RAB11FIP3: variants seen among roughly 807,000 people sequenced by gnomAD.
RAB11FIP3 encodes the protein rab11 family-interacting protein 3.
A neutral mutation model predicts 77.8 loss-of-function variants in RAB11FIP3; 17 were observed. The ratio of observed to expected loss-of-function variants is 0.22; its 90% CI spans 0.15 to 0.33. RAB11FIP3 has a LOEUF of 0.33. RAB11FIP3 is among the 10% of genes least tolerant of loss of function. The pLI is 1.00. For missense variants in RAB11FIP3, 1,005 were observed against 1,011.2 expected, an observed-to-expected ratio of 0.99 and a Z score of 0.08; for synonymous variants, 437 against 448.2, an observed-to-expected ratio of 0.98 and a Z score of 0.31.
At chr16:474,893 T>C in intron 3 of RAB11FIP3, 1 of 1,495,514 alleles carries the variant, frequency 6.7e-7, no homozygotes, top group East Asian at 2.5e-5. Context: ...TCCTAGGTGG[T>C]GATGTGCCTC....
intron 3 of RAB11FIP3, among the ~76,000 whole-genome samples, chr16:476,575 G>T (rs2055912332): frequency 6.6e-6 from 1 of 152,124 alleles, no homozygotes; most frequent in Non-Finnish European, 1.5e-5. Context: ...CCAGGGAAGG[G>T]CATCGGGCAT....
intron 1 of RAB11FIP3, among the ~76,000 whole-genome samples, chr16:450,978 G>A (rs2055398803): frequency 6.6e-6 from 1 of 151,930 alleles, no homozygotes; most frequent in Non-Finnish European, 1.5e-5. Flanking sequence ...GCCTGCCATC[G>A]TTGAATGTGT....
chr16:470,233 A>G (rs922907983), intron 2 of RAB11FIP3, among the ~76,000 whole-genome samples: 1 of 151,954 alleles, frequency 6.6e-6, no homozygotes, highest in Admixed American at 6.6e-5. Context: ...CCTGACCTCA[A>G]ATGATCCTCC....
chr16:445,168 C>T (rs905862908), intron 1 of RAB11FIP3, among the ~76,000 whole-genome samples: 1 of 143,442 alleles, frequency 7.0e-6, no homozygotes, highest in African/African-American at 2.7e-5. Context: ...TGCGGTGGCT[C>T]ACACATGTAA....
At chr16:502,951 C>T (rs1333643580) in intron 6 of RAB11FIP3, 53 bp from the exon 7 acceptor site, 3 of 1,388,784 alleles carry the variant, frequency 2.2e-6, no homozygotes, top group Non-Finnish European at 3.1e-6. Context: ...GCTGACGGAG[C>T]ATGTCCTGTG....
intron 1 of RAB11FIP3, among the ~76,000 whole-genome samples, chr16:438,878 C>T (rs1471530657): frequency 1.3e-5 from 2 of 152,208 alleles, no homozygotes; most frequent in East Asian, 1.9e-4. Flanking sequence ...TTAGCAGAGA[C>T]GGGGTTTCAC....
Position 482,731 on chromosome 16 carries a change from A to T in RAB11FIP3, c.1110A>T (p.Pro370=). 1 of 1,601,394 alleles carries T rather than the reference A, an allele frequency of 6.2e-7. No homozygotes were observed. The highest frequency in any genetic ancestry group is 1.1e-5 in the South Asian group (1 of 89,836). ...EPDHGALLLL[P]GRPHPHGQSV... Reference sequence around the variant, plus strand: ...ACCATGGTGCCCTGCTGCTGCTCCCAGGCAGGTCTGTACCCCGCCACGGGC... The same window carrying T: ...ACCATGGTGCCCTGCTGCTGCTCCCTGGCAGGTCTGTACCCCGCCACGGGC... The change falls in exon 4 of 14, where the codon CCA becomes CCT. Residue 370 remains proline, a synonymous_variant. Transcript: ENST00000262305.
intron 1 of RAB11FIP3, among the ~76,000 whole-genome samples, chr16:455,061 C>A (rs7203645): frequency 0.57 from 79,657 of 138,694 alleles, 22,938 homozygotes; most frequent in Middle Eastern, 0.66. Context: ...AAAAAAAAAA[C>A]AAAAAAACTA....
chr16:477,234 A>G (rs1230157660), intron 3 of RAB11FIP3, among the ~76,000 whole-genome samples: 1 of 152,190 alleles, frequency 6.6e-6, no homozygotes, highest in Non-Finnish European at 1.5e-5. Context: ...AGCCTCGGCG[A>G]CAAGAGCGAG....
rs1007212158 is a variant in RAB11FIP3, at chr16:496,820, A to G, written c.1266-4A>G. The G allele has an allele frequency of 1.1e-5, 18 of 1,591,940 alleles. No homozygotes were observed. In the Admixed American group the frequency reaches 1.7e-4, roughly 15 times the overall value. Reference sequence around the variant, plus strand: ...TTTTCCTGTTTATTTTGTTTTCTGCACAGTCCGACAAAGCGGCTCTCCAGC... The same window carrying G: ...TTTTCCTGTTTATTTTGTTTTCTGCGCAGTCCGACAAAGCGGCTCTCCAGC... On this transcript the variant is annotated splice_polypyrimidine_tract_variant and splice_region_variant and intron_variant, in intron 5 of 13. Transcript: ENST00000262305.
chr16:517,103 C>T (rs2141902590), intron 9 of RAB11FIP3, among the ~76,000 whole-genome samples: 1 of 152,270 alleles, frequency 6.6e-6, no homozygotes, highest in Non-Finnish European at 1.5e-5. Context: ...GGCCCCGCAC[C>T]TCTGTGGGCA....
At chr16:438,846 C>T (rs935835689) in intron 1 of RAB11FIP3, among the ~76,000 whole-genome samples, 4 of 152,154 alleles carry the variant, frequency 2.6e-5, no homozygotes, top group Non-Finnish European at 5.9e-5. Context: ...CGCGCCACCA[C>T]GCCCAGCTAA....
At position 516,923 on chromosome 16, in the gene RAB11FIP3, C is replaced by T. The variant is rs1356069765; in HGVS notation, c.1641-2020C>T. 3.3e-5 allele frequency among the ~76,000 whole-genome samples: 5 copies of T among 152,156 alleles called. No homozygotes were observed. In the South Asian group the frequency reaches 6.2e-4, roughly 19 times the overall value. On this transcript the variant is annotated intron_variant, in intron 9 of 13. Transcript: ENST00000262305. The stretch of plus-strand genomic sequence containing the variant: ...TCACAGAGGAATTCCACATAATGTC[C>T]GCAGACACTCCCTCCAGGAGGCGGG...
chr16:449,808 G>C (rs1307778269), intron 1 of RAB11FIP3, among the ~76,000 whole-genome samples: 4 of 151,804 alleles, frequency 2.6e-5, no homozygotes, highest in Admixed American at 2.6e-4. Context: ...AAAATTAGCC[G>C]TGCGTGATGG....
Position 520,810 on chromosome 16 carries a change from A to T in RAB11FIP3, c.2242A>T (p.Thr748Ser). Residue 748 changes from threonine (T) to serine (S), a missense_variant, in exon 14 of 14, where the codon ACC becomes TCC. Transcript: ENST00000262305. ...CAGGATCATCGTGGCCATCATGGAG[A>T]CCAACCCGTCCATCCTGGAGGTCAA... is the stretch of plus-strand genomic sequence containing the variant. ...IDRIIVAIME[T>S]NPSILEVK The T allele has an allele frequency of 6.2e-7, 1 of 1,613,648 alleles. No individual in the cohort carries two copies. Among genetic ancestry groups the T allele is most frequent in the Non-Finnish European group, 8.5e-7 (1 of 1,179,988 alleles).
chr16:498,766 G>C (rs1369028763), intron 6 of RAB11FIP3, among the ~76,000 whole-genome samples: 1 of 152,038 alleles, frequency 6.6e-6, no homozygotes, highest in Non-Finnish European at 1.5e-5. Context: ...CGGTCTCCCA[G>C]AATGTTGGAA....
intron 1 of RAB11FIP3, among the ~76,000 whole-genome samples, chr16:460,896 A>G (rs914371464): frequency 6.6e-6 from 1 of 152,178 alleles, no homozygotes; most frequent in Non-Finnish European, 1.5e-5. Context: ...GACCGTCTGC[A>G]GTGGCCCATG....
At chr16:477,484 C>T (rs1417048280) in intron 3 of RAB11FIP3, among the ~76,000 whole-genome samples, 2 of 152,162 alleles carry the variant, frequency 1.3e-5, no homozygotes, top group African/African-American at 2.4e-5. Flanking sequence ...CATCCTGCCC[C>T]GTCATGCCTT....
chr16:520,724 A>G lies in RAB11FIP3; in HGVS notation c.2158-2A>G, dbSNP rs773924772. ...AGCTCTGACCACCTGCTTGCCCTAC[A>G]GCTCATGGAGGCGATTCAGAAGCAG... On this transcript the variant is annotated splice_acceptor_variant, in intron 13 of 13. Coordinates refer to ENST00000262305, the MANE Select transcript of RAB11FIP3 (RefSeq NM_014700.4). LOFTEE classifies it high-confidence loss of function. 1 of 1,613,466 alleles carries G rather than the reference A, an allele frequency of 6.2e-7. No individual in the cohort carries two copies. The highest frequency in any genetic ancestry group is 8.5e-7 in the Non-Finnish European group (1 of 1,179,928).
Sources: gnomAD v4.1 joint callset for allele counts (sites outside exome capture counted in the v4.1 genomes callset) on GRCh38, gnomAD v4.1.1 for gene constraint, MANE v1.5 for transcripts, NCBI Gene and HGNC (gene_info 2026-07-23, HGNC 2026-07-21) for gene names.